The following VTI1A variants were observed in gnomAD, a reference collection of about 807,000 sequenced individuals.
The protein encoded by VTI1A is vesicle transport through interaction with t-SNAREs homolog 1A.
Under a neutral mutation model 34.9 loss-of-function variants are expected in VTI1A, and 22 were observed. The ratio of observed to expected loss-of-function variants is 0.63; its 90% CI spans 0.45 to 0.90. The LOEUF is 0.90. Ranked by LOEUF, VTI1A falls within the 40% of genes least tolerant of loss-of-function variation. The probability of loss-of-function intolerance (pLI) is 0.00; values close to 1 mark genes in which losing one functional copy is unlikely to be tolerated. For missense variants in VTI1A, 268 were observed against 275.6 expected (o/e 0.97, Z 0.20); for synonymous variants, 87 against 97.3 (o/e 0.89, Z 0.62).
chr10:112,451,035 A>G (rs978612793), intron 1 of VTI1A, among the ~76,000 whole-genome samples: 5 of 152,346 alleles, frequency 3.3e-5, no homozygotes, highest in Middle Eastern at 3.4e-3. Flanking sequence ...TACCATTCAC[A>G]GAGAGGGAAT....
chr10:112,648,050 G>A (rs1037261260), intron 5 of VTI1A, among the ~76,000 whole-genome samples: 37 of 152,312 alleles, frequency 2.4e-4, no homozygotes, highest in South Asian at 1.0e-3. Context: ...GATTACAGGC[G>A]TGAGCCATTG....
intron 5 of VTI1A, among the ~76,000 whole-genome samples, chr10:112,660,739 A>G (rs1436103717): frequency 6.6e-6 from 1 of 152,174 alleles, no homozygotes; most frequent in Admixed American, 6.5e-5. Context: ...GTACTGTGTA[A>G]TATTGCAGAA....
chr10:112,747,573 G>A (rs772142085), intron 7 of VTI1A, among the ~76,000 whole-genome samples: 40 of 152,284 alleles, frequency 2.6e-4, no homozygotes, highest in Admixed American at 7.2e-4. Context: ...TTAGGTGGCC[G>A]ATGACCGTAA....
chr10:112,741,338 C>T (rs1478924912), intron 7 of VTI1A, among the ~76,000 whole-genome samples: 1 of 152,096 alleles, frequency 6.6e-6, no homozygotes, highest in East Asian at 1.9e-4. Context: ...GCCTGTAATC[C>T]CAGCTACTCA....
At chr10:112,826,660 A>G in the VTI1A span, 1 of 152,182 alleles carries the variant, frequency 6.6e-6, no homozygotes, top group Non-Finnish European at 1.5e-5. Flanking sequence ...GGTGCCAACT[A>G]GGTTTGGATT....
intron 2 of VTI1A, among the ~76,000 whole-genome samples, chr10:112,463,627 T>TAAAA (rs77183033): frequency 6.9e-6 from 1 of 144,158 alleles, no homozygotes. Flanking sequence ...AGCAGGTTGT[T>TAAAA]AAAAAAAAAA....
intron 7 of VTI1A, among the ~76,000 whole-genome samples, chr10:112,790,165 G>A (rs1326493736): frequency 2.0e-5 from 3 of 152,048 alleles, no homozygotes; most frequent in Admixed American, 6.5e-5. Context: ...TTTCCTAGGG[G>A]TTGCCCCTTT....
intron 5 of VTI1A, among the ~76,000 whole-genome samples, chr10:112,606,578 G>T (rs190552444): frequency 4.3e-4 from 65 of 152,256 alleles, no homozygotes; most frequent in African/African-American, 1.5e-3. Flanking sequence ...CTTGTGCACA[G>T]CTGGGCCCAA....
chr10:112,679,554 T>C (rs961381136), intron 7 of VTI1A, among the ~76,000 whole-genome samples: 27 of 152,064 alleles, frequency 1.8e-4, no homozygotes, highest in Non-Finnish European at 4.4e-5. Context: ...TGCAAAGTTA[T>C]GTGAAGAACT....
chr10:112,775,748 G>A (rs1407782841), intron 7 of VTI1A, among the ~76,000 whole-genome samples: 1 of 152,134 alleles, frequency 6.6e-6, no homozygotes, highest in Non-Finnish European at 1.5e-5. Context: ...TTTATATCGA[G>A]TAATTGAAAA....
At chr10:112,492,961 G>A (rs186143433) in intron 3 of VTI1A, among the ~76,000 whole-genome samples, 27 of 152,106 alleles carry the variant, frequency 1.8e-4, no homozygotes, top group East Asian at 1.2e-3. Flanking sequence ...GTCCTCATTC[G>A]TACTCCCATT....
At chr10:112,591,356 T>A (rs1844378885) in intron 5 of VTI1A, among the ~76,000 whole-genome samples, 1 of 152,122 alleles carries the variant, frequency 6.6e-6, no homozygotes, top group Admixed American at 6.5e-5. Context: ...CTGTCTCTAC[T>A]AACAATACAA....
At chr10:112,557,966 T>C (rs1440146765) in intron 5 of VTI1A, among the ~76,000 whole-genome samples, 1 of 152,228 alleles carries the variant, frequency 6.6e-6, no homozygotes, top group East Asian at 1.9e-4. Context: ...ATATTGTTCT[T>C]GAATGAGGTA....
Position 112,815,470 on chromosome 10 carries a change from T to G in VTI1A, c.*87T>G. On this transcript the variant is annotated 3_prime_UTR_variant, in exon 8 of 8. Coordinates refer to ENST00000393077, the MANE Select transcript of VTI1A (RefSeq NM_145206.4). ...GGTCACATGAATCATTCTGTTGCGC[T>G]GACAGGCCCCAGGTGACCCTCTCTC... 2.5e-6 allele frequency: 3 copies of G among 1,198,316 alleles called. No individual in the cohort carries two copies. Among genetic ancestry groups the G allele is most frequent in the Non-Finnish European group, 3.7e-6 (3 of 810,004 alleles). The allele number at this position is 1,198,316 out of a possible 1,614,324, so 74.2% of individuals were successfully genotyped here.
intron 5 of VTI1A, among the ~76,000 whole-genome samples, chr10:112,615,722 A>G (rs905636546): frequency 6.6e-6 from 1 of 152,202 alleles, no homozygotes; most frequent in East Asian, 1.9e-4. Flanking sequence ...GACATTTAAA[A>G]TGTGATCTGA....
chr10:112,539,879 AGAT>A (rs1481505831), intron 5 of VTI1A, among the ~76,000 whole-genome samples: 1 of 152,232 alleles, frequency 6.6e-6, no homozygotes, highest in Non-Finnish European at 1.5e-5. Flanking sequence ...ATCTCCTAGA[AGAT>A]AACTTTTATT....
rs1219890841 is a variant in VTI1A at position 112,518,361 on chromosome 10, G to C, written c.265-8726G>C. ...GGACATAAATGGGTTAAGAAGCTTG[G>C]CTAGGAAGGGAAGCATAAAGAGAGG... On this transcript the variant is annotated intron_variant, in intron 3 of 7. Coordinates refer to ENST00000393077, the MANE Select transcript of VTI1A (RefSeq NM_145206.4). Among the ~76,000 whole-genome samples the C allele has an allele frequency of 2.0e-5, 3 of 151,818 alleles. No individual in the cohort carries two copies. In the East Asian group the frequency reaches 5.8e-4, roughly 29 times the overall value.
intron 7 of VTI1A, among the ~76,000 whole-genome samples, chr10:112,784,431 A>G (rs1852223619): frequency 6.6e-6 from 1 of 152,226 alleles, no homozygotes; most frequent in Non-Finnish European, 1.5e-5. Context: ...TGTGGCCTTC[A>G]GCAGTGAGAA....
intron 7 of VTI1A, among the ~76,000 whole-genome samples, chr10:112,742,153 T>A (rs886830012): frequency 6.6e-6 from 1 of 152,194 alleles, no homozygotes; most frequent in Non-Finnish European, 1.5e-5. Context: ...GCTAATGTGG[T>A]GACTGACAGG....
Sources: allele counts gnomAD v4.1 joint callset (sites outside exome capture counted in the v4.1 genomes callset), GRCh38; gene constraint gnomAD v4.1.1; transcripts MANE v1.5; gene names NCBI Gene and HGNC (gene_info 2026-07-23, HGNC 2026-07-21).